Variants in PRKCA observed in about 807,000 individuals in gnomAD.
PRKCA encodes protein kinase C alpha type.
PRKCA carries 27 observed loss-of-function variants against 87.0 expected under a neutral mutation model. The ratio of observed to expected loss-of-function variants is 0.31; its 90% CI spans 0.23 to 0.43. PRKCA has a LOEUF of 0.43. Ranked by LOEUF, PRKCA falls within the 20% of genes least tolerant of loss-of-function variation. The pLI, the probability that PRKCA is intolerant of heterozygous loss-of-function variation, is 1.00. For missense variants in PRKCA, 518 were observed against 852.3 expected, an observed-to-expected ratio of 0.61 and a Z score of 4.88; for synonymous variants, 329 against 311.1, an observed-to-expected ratio of 1.06 and a Z score of -0.61.
In PRKCA at chr17:66,788,707, T is replaced by C. The variant is rs1436042514; in HGVS notation, c.1714-132T>C. The C allele has an allele frequency of 4.7e-6, 5 of 1,069,112 alleles. No homozygotes were observed. The Admixed American group carries it at 7.3e-5, about 16-fold the overall frequency. 66.2% of individuals were successfully genotyped at this position (1,069,112 alleles called of 1,614,324 possible). A position where few individuals can be genotyped will look rare whatever the true frequency, so the allele number is the denominator to read the frequency against. On this transcript the variant is annotated intron_variant, in intron 15 of 16. Transcript: ENST00000413366. ...ACTTCGTACAAGCCACTGAGTGTCT[T>C]GGTCAGCTCTCTGAGATGCTGTCCA... is the stretch of plus-strand genomic sequence containing the variant.
At chr17:66,490,309 G>A (rs981492510) in intron 2 of PRKCA, among the ~76,000 whole-genome samples, 1 of 150,534 alleles carries the variant, frequency 6.6e-6, no homozygotes, top group Admixed American at 6.6e-5. Context: ...CCTTCCCAGT[G>A]TTAGACGACC....
intron 2 of PRKCA, among the ~76,000 whole-genome samples, chr17:66,402,855 A>C (rs569726719): frequency 1.3e-4 from 20 of 152,238 alleles, no homozygotes; most frequent in Non-Finnish European, 2.2e-4. Flanking sequence ...TTTTTAAATG[A>C]AGATGAAAAG....
intron 8 of PRKCA, among the ~76,000 whole-genome samples, chr17:66,729,208 C>G (rs756933600): frequency 6.6e-6 from 1 of 152,004 alleles, no homozygotes; most frequent in Non-Finnish European, 1.5e-5. Context: ...TCGAGACCAA[C>G]CTGGCCAACA....
Position 66,441,498 on chromosome 17 carries a change from T to C in PRKCA, c.206-54703T>C, listed in dbSNP as rs1475135933. Among the ~76,000 whole-genome samples the C allele has an allele frequency of 2.6e-5, 4 of 152,186 alleles. No homozygotes were observed. The South Asian group carries it at 8.3e-4, about 31-fold the overall frequency. ...TTTCTAAAAATGAACTGAAACCCCA[T>C]CTGTTTGCTCATGTATTTGAAAACC... is the stretch of plus-strand genomic sequence containing the variant. On this transcript the variant is annotated intron_variant, in intron 2 of 16. Coordinates refer to ENST00000413366, the MANE Select transcript of PRKCA (RefSeq NM_002737.3).
chr17:66,560,183 G>C (rs1244830838), intron 3 of PRKCA, among the ~76,000 whole-genome samples: 4 of 152,124 alleles, frequency 2.6e-5, no homozygotes, highest in Non-Finnish European at 4.4e-5. Flanking sequence ...CCAGAGGCTT[G>C]AGGAGGGCAG....
intron 2 of PRKCA, among the ~76,000 whole-genome samples, chr17:66,348,499 C>T (rs143141842): frequency 6.6e-6 from 1 of 152,124 alleles, no homozygotes; most frequent in East Asian, 1.9e-4. Context: ...ATCATGAGGA[C>T]CCTTAAGGGT....
chr17:66,647,626 A>G (rs1368848535), intron 5 of PRKCA, among the ~76,000 whole-genome samples: 1 of 152,242 alleles, frequency 6.6e-6, no homozygotes, highest in Non-Finnish European at 1.5e-5. Flanking sequence ...TAGAGAGCAC[A>G]GATGCTCTGG....
At chr17:66,503,775 T>C (rs1000300984) in intron 3 of PRKCA, among the ~76,000 whole-genome samples, 1 of 152,234 alleles carries the variant, frequency 6.6e-6, no homozygotes. Flanking sequence ...TTTCAAAGAT[T>C]CATTTATAAT....
chr17:66,676,290 A>G (rs750998770), intron 5 of PRKCA: 1 of 152,500 alleles, frequency 6.6e-6, no homozygotes, highest in African/African-American at 2.4e-5. Flanking sequence ...TGGTGGGGTG[A>G]GGGTTTTTTC....
chr17:66,734,158 CAGA>C (rs1973967447), intron 9 of PRKCA, among the ~76,000 whole-genome samples: 1 of 152,168 alleles, frequency 6.6e-6, no homozygotes, highest in Non-Finnish European at 1.5e-5. Flanking sequence ...GGTCCTGATC[CAGA>C]CCCCAAGAGG....
intron 2 of PRKCA, among the ~76,000 whole-genome samples, chr17:66,428,125 G>A (rs78645226): frequency 5.3e-5 from 8 of 152,152 alleles, no homozygotes; most frequent in Admixed American, 3.9e-4. Context: ...GTAATTGCCC[G>A]ACTCACGTGA....
rs572233133 is a variant in PRKCA at position 66,545,292 on chromosome 17, G to A, written c.288+49009G>A. On this transcript the variant is annotated intron_variant, in intron 3 of 16. Transcript: ENST00000413366. ...AAAATACAAAAAATTAGCCAGGCGTGGTGGCGGGTGCCTGTAGTCCCAGCT... is the reference window on the plus strand; with the variant it reads ...AAAATACAAAAAATTAGCCAGGCGTAGTGGCGGGTGCCTGTAGTCCCAGCT... Among the ~76,000 whole-genome samples, 9 of 152,288 alleles carry A rather than the reference G, an allele frequency of 5.9e-5. No individual in the cohort carries two copies. The South Asian group carries it at 1.9e-3, about 32-fold the overall frequency.
chr17:66,798,983 G>A (rs1598954574), intron 16 of PRKCA, among the ~76,000 whole-genome samples: 1 of 139,742 alleles, frequency 7.2e-6, no homozygotes, highest in South Asian at 2.6e-4. Flanking sequence ...GGTGGTGGTG[G>A]TGGTGGTGGT....
At chr17:66,753,530 G>A (rs992011764) in intron 13 of PRKCA, among the ~76,000 whole-genome samples, 1 of 152,148 alleles carries the variant, frequency 6.6e-6, no homozygotes, top group Non-Finnish European at 1.5e-5. Context: ...GGAATCTCAG[G>A]GGTCCATGAA....
intron 2 of PRKCA, among the ~76,000 whole-genome samples, chr17:66,401,718 C>T (rs73992904): frequency 0.011 from 1,644 of 152,184 alleles, 24 homozygotes; most frequent in African/African-American, 0.037. Context: ...AATTAGCAGC[C>T]ATATGCCGGT....
At chr17:66,345,032 A>G (rs1907273752) in intron 2 of PRKCA, among the ~76,000 whole-genome samples, 1 of 152,194 alleles carries the variant, frequency 6.6e-6, no homozygotes, top group South Asian at 2.1e-4. Context: ...GCCCCTGCAT[A>G]TGCTCAGAAT....
intron 5 of PRKCA, among the ~76,000 whole-genome samples, chr17:66,673,991 A>G (rs1320410260): frequency 6.6e-6 from 1 of 152,224 alleles, no homozygotes; most frequent in East Asian, 1.9e-4. Context: ...TCCTTGTCCA[A>G]GAGTCCCTCC....
intron 3 of PRKCA, among the ~76,000 whole-genome samples, chr17:66,587,862 CATATGT>C (rs1468289517): frequency 0.021 from 1,083 of 51,874 alleles, 74 homozygotes; most frequent in African/African-American, 0.03. Context: ...TACATATATA[CATATGT>C]ATGTGTGTGT....
chr17:66,572,792 G>A (rs906015953), intron 3 of PRKCA, among the ~76,000 whole-genome samples: 1 of 152,112 alleles, frequency 6.6e-6, no homozygotes, highest in Admixed American at 6.5e-5. Context: ...ACCTGGCCCT[G>A]AGGCTTTTCT....
Sources: allele counts gnomAD v4.1 joint callset (sites outside exome capture counted in the v4.1 genomes callset), GRCh38; gene constraint gnomAD v4.1.1; transcripts MANE v1.5; gene names NCBI Gene and HGNC (gene_info 2026-07-23, HGNC 2026-07-21).